The following GTF2H2 variants were observed in gnomAD, a reference collection of about 807,000 sequenced individuals.
GTF2H2 encodes general transcription factor IIH subunit 2.
Under a neutral mutation model 16.5 loss-of-function variants are expected in GTF2H2, and 2 were observed. The ratio of observed to expected loss-of-function variants is 0.12; its 90% confidence interval spans 0.05 to 0.38. The LOEUF is 0.38. GTF2H2 is among the 10% of genes least tolerant of loss of function. The pLI, the probability that GTF2H2 is intolerant of heterozygous loss-of-function variation, is 0.99. For synonymous variants in GTF2H2, 8 were observed against 44.1 expected, an observed-to-expected ratio of 0.18 and a Z score of 3.24; for missense variants, 20 against 137.0, an observed-to-expected ratio of 0.15 and a Z score of 4.26.
At chr5:71,057,309 A>G (rs1753324113) in intron 7 of GTF2H2, among the ~76,000 whole-genome samples, 1 of 128,042 alleles carries the variant, frequency 7.8e-6, no homozygotes. Context: ...GTGGTTCCAC[A>G]AGCAACATAT....
At position 71,053,315 on chromosome 5, in the gene GTF2H2, G is replaced by A. The variant is rs1223998773; in HGVS notation, c.470+2037C>T. Among the ~76,000 whole-genome samples the A allele has an allele frequency of 3.5e-5, 5 of 142,210 alleles. 1 individual carries two copies. Among genetic ancestry groups the A allele is most frequent in the Non-Finnish European group, 7.7e-5 (5 of 65,034 alleles). 93.3% of individuals were successfully genotyped at this position (142,210 alleles called of 152,430 possible). ...TTTTTGTGTCTTAGGAGATGGGGGGGCCGAACAGAGGGAGAGAGACTGGAA... is the reference window on the plus strand; with the variant it reads ...TTTTTGTGTCTTAGGAGATGGGGGGACCGAACAGAGGGAGAGAGACTGGAA... On this transcript the variant is annotated intron_variant, in intron 8 of 15. Transcript: ENST00000274400.
At chr5:71,061,415 T>G in intron 3 of GTF2H2, 107 bp from the exon 4 acceptor site, 1 of 977,050 alleles carries the variant, frequency 1.0e-6, no homozygotes, top group South Asian at 1.5e-5. Context: ...TTTTTCTAAT[T>G]CTGAGTAAGA....
chr5:71,053,351 T>G (rs571528959), intron 8 of GTF2H2, among the ~76,000 whole-genome samples: 1 of 142,492 alleles, frequency 7.0e-6, no homozygotes, highest in East Asian at 2.0e-4. Context: ...AACAGCCAGT[T>G]GGTGGAGCAC....
chr5:71,039,970 T>TA (rs1751991062), intron 14 of GTF2H2, among the ~76,000 whole-genome samples: 1 of 52,906 alleles, frequency 1.9e-5, no homozygotes, highest in Non-Finnish European at 3.8e-5. Flanking sequence ...ACCATGCATT[T>TA]ATACTTGTAC....
chr5:71,058,319 T>A (rs1486801062), intron 7 of GTF2H2: 1 of 134,248 alleles, frequency 7.4e-6, no homozygotes, highest in African/African-American at 2.9e-5. Flanking sequence ...TTCCACTATA[T>A]AATAATCCTG....
At chr5:71,037,974 CAAAAAA>C (rs1164937065) in intron 14 of GTF2H2, among the ~76,000 whole-genome samples, 7 of 8,444 alleles carry the variant, frequency 8.3e-4, no homozygotes, top group African/African-American at 2.1e-3. Flanking sequence ...CTCTGACTCA[CAAAAAA>C]AAAAAAAAAA....
At position 71,058,422 on chromosome 5, in the gene GTF2H2, A is replaced by G. The variant is rs1456787874; in HGVS notation, c.364+1268T>C. ...AAACAAAATACTTCATTTCCTGGCC[A>G]CTTTGTTCATGGATGGGCAGATCGT... On this transcript the variant is annotated intron_variant, in intron 7 of 15. Transcript: ENST00000274400. 4.4e-5 allele frequency: 6 copies of G among 136,226 alleles called. 2 individuals carry two copies. Among genetic ancestry groups the G allele is most frequent in the African/African-American group, 1.7e-4 (6 of 35,546 alleles). The allele number at this position is 136,226 out of a possible 1,614,324, so 8.4% of individuals were successfully genotyped here.
At chr5:71,058,560 G>C (rs1224396762) in intron 7 of GTF2H2, 2 of 137,084 alleles carry the variant, frequency 1.5e-5, no homozygotes, top group East Asian at 4.1e-4. Context: ...AAATCTATCA[G>C]AGAATGAAGC....
At position 71,054,299 on chromosome 5, in the gene GTF2H2, C is replaced by T. The variant is rs1450551027; in HGVS notation, c.470+1053G>A. Among the ~76,000 whole-genome samples the T allele has an allele frequency of 6.8e-5, 10 of 146,134 alleles. 4 individuals carry two copies. The highest frequency in any genetic ancestry group is 1.8e-4 in the African/African-American group (7 of 38,158). ...CTGCTTATATTTTCATTGTTATCTT[C>T]TCAGCTCTCACTGGTAGACCCTGCT... On this transcript the variant is annotated intron_variant, in intron 8 of 15. Transcript: ENST00000274400.
chr5:71,055,027 A>G (rs1364179156), intron 8 of GTF2H2: 1 of 172,192 alleles, frequency 5.8e-6, no homozygotes, highest in African/African-American at 2.6e-5. Flanking sequence ...AATAAATGTT[A>G]ATAAAGGTAC....
At chr5:71,052,934 T>G (rs1371170518) in intron 8 of GTF2H2, among the ~76,000 whole-genome samples, 7 of 110,294 alleles carry the variant, frequency 6.3e-5, no homozygotes, top group African/African-American at 2.7e-4. Context: ...TTTTTTTTTT[T>G]TTTTTTTTTT....
intron 8 of GTF2H2, among the ~76,000 whole-genome samples, chr5:71,052,937 T>G (rs1269297338): frequency 2.7e-5 from 3 of 113,164 alleles, no homozygotes; most frequent in South Asian, 2.8e-4. Context: ...TTTTTTTTTT[T>G]TTTTTTTTTT....
rs749283552 is a variant in GTF2H2, at chr5:71,061,347, T to C, written c.135-39A>G. The C allele has an allele frequency of 4.2e-6, 6 of 1,438,092 alleles. No individual in the cohort carries two copies. In the East Asian group the frequency reaches 1.1e-4, roughly 27 times the overall value. 89.1% of individuals were successfully genotyped at this position (1,438,092 alleles called of 1,614,324 possible). A position where few individuals can be genotyped will look rare whatever the true frequency, so the allele number is the denominator to read the frequency against. On this transcript the variant is annotated intron_variant, in intron 3 of 15. Coordinates refer to ENST00000274400, the Ensembl canonical transcript of GTF2H2. ...ACAAACATTTTAATGTAATTCCATATACTATCCCCCCCCACAAAAAAAATA... is the reference window on the plus strand; with the variant it reads ...ACAAACATTTTAATGTAATTCCATACACTATCCCCCCCCACAAAAAAAATA...
intron 8 of GTF2H2, among the ~76,000 whole-genome samples, chr5:71,053,903 AG>A: frequency 8.1e-6 from 1 of 123,932 alleles, no homozygotes; most frequent in Admixed American, 8.4e-5. Context: ...ATATACTGTG[AG>A]GATCTACAGG....
intron 15 of GTF2H2, among the ~76,000 whole-genome samples, chr5:71,036,199 C>A (rs1381996391): frequency 1.5e-5 from 1 of 67,960 alleles, no homozygotes; most frequent in Non-Finnish European, 2.9e-5. Context: ...AATGACCTCA[C>A]AATTGCAAAC....
At chr5:71,054,751 G>GTGTGTGTA (rs1297498366) in intron 8 of GTF2H2, among the ~76,000 whole-genome samples, 1 of 126,986 alleles carries the variant, frequency 7.9e-6, no homozygotes, top group South Asian at 2.5e-4. Context: ...GTGTGTGTGT[G>GTGTGTGTA]TATATATATA....
chr5:71,051,776 T>TAC (rs1752727719), intron 8 of GTF2H2, among the ~76,000 whole-genome samples: 1 of 138,690 alleles, frequency 7.2e-6, no homozygotes, highest in East Asian at 2.0e-4. Flanking sequence ...CCAGGTGCAG[T>TAC]GGCTCATGCT....
chr5:71,054,413 G>A (rs1753017344), intron 8 of GTF2H2, among the ~76,000 whole-genome samples: 1 of 145,930 alleles, frequency 6.9e-6, no homozygotes, highest in South Asian at 2.1e-4. Context: ...ATAAGTCTGA[G>A]CCAGGGCGGA....
At chr5:71,061,396 GTT>G (rs1046453751) in intron 3 of GTF2H2, 88 bp from the exon 4 acceptor site, 3 of 1,169,110 alleles carry the variant, frequency 2.6e-6, no homozygotes, top group African/African-American at 3.2e-5. Context: ...GACCTCCTTT[GTT>G]TTTCTTTTTT....
Sources: gnomAD v4.1 joint callset for allele counts (sites outside exome capture counted in the v4.1 genomes callset) on GRCh38, gnomAD v4.1.1 for gene constraint, MANE v1.5 for transcripts, NCBI Gene and HGNC (gene_info 2026-07-23, HGNC 2026-07-21) for gene names.